Variants in ZNF354A observed in about 807,000 individuals in gnomAD.
ZNF354A encodes epididymis luminal protein 104.
A neutral mutation model predicts 53.3 loss-of-function variants in ZNF354A; 25 were observed. That is an observed-to-expected ratio of 0.47 (90% CI 0.34 to 0.66). ZNF354A has a LOEUF of 0.66. Ranked by LOEUF, ZNF354A falls within the 30% of genes least tolerant of loss-of-function variation. The probability of loss-of-function intolerance (pLI) is 0.01; values close to 1 mark genes in which losing one functional copy is unlikely to be tolerated. For missense variants in ZNF354A, 586 were observed against 716.8 expected (o/e 0.82, Z 2.08); for synonymous variants, 228 against 249.0 (o/e 0.92, Z 0.79).
intron 2 of ZNF354A, 89 bp downstream of exon 2, chr5:178,728,901 T>A (rs1765969311): frequency 8.9e-7 from 1 of 1,123,274 alleles, no homozygotes; most frequent in African/African-American, 1.6e-5. Context: ...GGACTTGGGC[T>A]CCATCCTGGC....
chr5:178,725,043 C>T (rs1765878604), intron 4 of ZNF354A, among the ~76,000 whole-genome samples: 1 of 152,252 alleles, frequency 6.6e-6, no homozygotes. Flanking sequence ...CCTTCCCTAG[C>T]TTTCTAGGCT....
chr5:178,730,152 A>G (rs1766004819), intron 1 of ZNF354A, among the ~76,000 whole-genome samples: 1 of 152,164 alleles, frequency 6.6e-6, no homozygotes, highest in African/African-American at 2.4e-5. Context: ...GGCGTGAGCC[A>G]CCGCGCCCGG....
intron 4 of ZNF354A, among the ~76,000 whole-genome samples, chr5:178,717,627 G>C (rs571300029): frequency 6.6e-6 from 1 of 152,258 alleles, no homozygotes; most frequent in South Asian, 2.1e-4. Context: ...TGAAATACTA[G>C]ATTGTATTTA....
Position 178,730,008 on chromosome 5 carries a change from C to G in ZNF354A, c.-52+548G>C, listed in dbSNP as rs531496383. Reference sequence around the variant, plus strand: ...CCTCACAAGTAGCTGGGACTACAGGCGCCCGCCACTACGCCCGGCTAATTT... The same window carrying G: ...CCTCACAAGTAGCTGGGACTACAGGGGCCCGCCACTACGCCCGGCTAATTT... On this transcript the variant is annotated intron_variant, in intron 1 of 4. Coordinates refer to ENST00000335815, the MANE Select transcript of ZNF354A (RefSeq NM_005649.3). Among the ~76,000 whole-genome samples the G allele has an allele frequency of 5.3e-5, 8 of 152,064 alleles. No individual in the cohort carries two copies. The East Asian group carries it at 1.4e-3, about 26-fold the overall frequency.
chr5:178,724,547 A>T (rs1483742738), intron 4 of ZNF354A, among the ~76,000 whole-genome samples: 1 of 152,132 alleles, frequency 6.6e-6, no homozygotes, highest in African/African-American at 2.4e-5. Flanking sequence ...TTCAAACACG[A>T]TGCTTCCAAA....
rs746164650 is a variant in ZNF354A, at chr5:178,713,415, T to C, written c.463A>G (p.Ile155Val). 34 of 1,613,190 alleles carry C rather than the reference T, an allele frequency of 2.1e-5. No homozygotes were observed. Among genetic ancestry groups the C allele is most frequent in the Non-Finnish European group, 2.7e-5 (32 of 1,179,880 alleles). Residue 155 changes from isoleucine to valine, a missense_variant, in exon 5 of 5, where the codon ATA (isoleucine) becomes GTA (valine). Coordinates refer to ENST00000335815, the MANE Select transcript of ZNF354A (RefSeq NM_005649.3). ...VSATHKKIPT[I>V]ERSHKNTELS... The stretch of plus-strand genomic sequence containing the variant: ...TCAGTATTTTTATGGCTTCTTTCTA[T>C]AGTGGGGATTTTTTTGTGGGTGGCT...
At chr5:178,714,687 A>G (rs1446084537) in intron 4 of ZNF354A, among the ~76,000 whole-genome samples, 1 of 152,242 alleles carries the variant, frequency 6.6e-6, no homozygotes, top group East Asian at 1.9e-4. Flanking sequence ...TAACTGGAAC[A>G]ATGTCAAATA....
At chr5:178,718,454 A>G (rs1026952496) in intron 4 of ZNF354A, among the ~76,000 whole-genome samples, 1 of 152,054 alleles carries the variant, frequency 6.6e-6, no homozygotes, top group African/African-American at 2.4e-5. Context: ...CTTCAACCCT[A>G]TCTCCCTGGA....
In ZNF354A at chr5:178,712,528, G is replaced by A. The variant is rs1765638623; in HGVS notation, c.1350C>T (p.His450=). Reference sequence around the variant, plus strand: ...TTCGCTCGTGAATAATAAGTGTTGAGTGGGAGCTTAAGGCTTTACCACATT... The same window carrying A: ...TTCGCTCGTGAATAATAAGTGTTGAATGGGAGCTTAAGGCTTTACCACATT... The part of the protein sequence containing the change: ...CNECGKALSS[H]STLIIHERIH... The change falls in exon 5 of 5, where the codon CAC becomes CAT. Residue 450 remains histidine (H), a synonymous_variant. Transcript: ENST00000335815. The A allele has an allele frequency of 6.2e-7, 1 of 1,614,042 alleles. No individual in the cohort carries two copies. The highest frequency in any genetic ancestry group is 1.3e-5 in the African/African-American group (1 of 74,920).
intron 2 of ZNF354A, among the ~76,000 whole-genome samples, chr5:178,727,428 G>A (rs1765932400): frequency 6.6e-6 from 1 of 152,136 alleles, no homozygotes; most frequent in Non-Finnish European, 1.5e-5. Context: ...AACCCTCAAA[G>A]TATACTCTTT....
chr5:178,713,732 A>AT, intron 4 of ZNF354A, 111 bp from the exon 5 acceptor site: 1 of 1,326,596 alleles, frequency 7.5e-7, no homozygotes, highest in Non-Finnish European at 1.0e-6. Context: ...TAAGACCCTG[A>AT]TATCTGTATG....
Position 178,725,429 on chromosome 5 carries a change from T to C in ZNF354A, c.203A>G (p.Gln68Arg). 6.2e-7 allele frequency: 1 copy of C among 1,614,204 alleles called. No individual in the cohort carries two copies. The highest frequency in any genetic ancestry group is 8.5e-7 in the Non-Finnish European group (1 of 1,180,030). ...TKPKVISLLQ[Q>R]GEDPWEVEKD... ...CTCCACCTCCCAGGGATCTTCTCCTTGCTGCAACAGGGAGATCACTTTTGG... is the reference window on the plus strand; with the variant it reads ...CTCCACCTCCCAGGGATCTTCTCCTCGCTGCAACAGGGAGATCACTTTTGG... The change falls in exon 4 of 5, where the codon CAA (glutamine) becomes CGA (arginine). Residue 68 changes from glutamine (Q) to arginine (R), a missense_variant. By Grantham distance (43) the Gln-to-Arg change is conservative (BLOSUM62 1). This residue lies in a region of ZNF354A where 573 missense variants were observed against 680.1 expected (regional missense o/e 0.84). Coordinates refer to ENST00000335815, the MANE Select transcript of ZNF354A (RefSeq NM_005649.3).
chr5:178,729,190 GAGGAGCC>G (rs1765977076), intron 1 of ZNF354A, 117 bp from the exon 2 acceptor site: 1 of 561,460 alleles, frequency 1.8e-6, no homozygotes, highest in Non-Finnish European at 3.2e-6. Flanking sequence ...AGGGATTCGG[GAGGAGCC>G]AGGAGCCCGC....
At chr5:178,722,620 C>T (rs971368871) in intron 4 of ZNF354A, among the ~76,000 whole-genome samples, 3 of 152,198 alleles carry the variant, frequency 2.0e-5, no homozygotes, top group African/African-American at 4.8e-5. Flanking sequence ...TTCTTTCTGT[C>T]TCCAACACCA....
At position 178,730,051 on chromosome 5, in the gene ZNF354A, G is replaced by A. The variant is rs534392063; in HGVS notation, c.-52+505C>T. ...GCTAATTTTTTTTGTATTTTTAGTA[G>A]AGACGGGGTTTCACCGTGTTAGTCA... On this transcript the variant is annotated intron_variant, in intron 1 of 4. Transcript: ENST00000335815. Among the ~76,000 whole-genome samples, 4 of 151,910 alleles carry A rather than the reference G, an allele frequency of 2.6e-5. No individual in the cohort carries two copies. In the East Asian group the frequency reaches 7.7e-4, roughly 29 times the overall value.
At chr5:178,717,946 C>G (rs772239358) in intron 4 of ZNF354A, among the ~76,000 whole-genome samples, 5 of 152,120 alleles carry the variant, frequency 3.3e-5, no homozygotes, top group African/African-American at 7.2e-5. Context: ...GAAAGCCCAG[C>G]TGGAGTGCAT....
chr5:178,722,674 C>T (rs1009175666), intron 4 of ZNF354A, among the ~76,000 whole-genome samples: 10 of 152,310 alleles, frequency 6.6e-5, no homozygotes, highest in South Asian at 2.1e-4. Context: ...TACAACTGGA[C>T]GCATACCCTG....
chr5:178,725,871 A>C (rs1450134779), intron 3 of ZNF354A, among the ~76,000 whole-genome samples: 1 of 151,922 alleles, frequency 6.6e-6, no homozygotes, highest in African/African-American at 2.4e-5. Flanking sequence ...TTTTCTGAGG[A>C]GGAGTCTCGC....
At chr5:178,715,779 G>A (rs544978771) in intron 4 of ZNF354A, among the ~76,000 whole-genome samples, 4 of 152,232 alleles carry the variant, frequency 2.6e-5, no homozygotes, top group Non-Finnish European at 5.9e-5. Flanking sequence ...CCCTGAGCAC[G>A]GGGATCAGGT....
Sources: gnomAD v4.1 joint callset for allele counts (sites outside exome capture counted in the v4.1 genomes callset) on GRCh38, gnomAD v4.1.1 for gene constraint, gnomAD v4.1.1 regional missense constraint, MANE v1.5 for transcripts, NCBI Gene and HGNC (gene_info 2026-07-23, HGNC 2026-07-21) for gene names.